Variants in TM9SF2 observed in about 807,000 individuals in gnomAD.
The protein encoded by TM9SF2 is transmembrane 9 superfamily member 2, also known as 76 kDa membrane protein.
TM9SF2 carries 13 observed loss-of-function variants against 84.9 expected under a neutral mutation model. That is an observed-to-expected ratio of 0.15 (90% CI 0.10 to 0.24). The LOEUF is 0.24. Ranked by LOEUF, TM9SF2 falls within the 10% of genes least tolerant of loss-of-function variation. The pLI, the probability that TM9SF2 is intolerant of heterozygous loss-of-function variation, is 1.00. For synonymous variants in TM9SF2, 273 were observed against 285.8 expected (o/e 0.96, Z 0.45); for missense variants, 562 against 818.5 (o/e 0.69, Z 3.82).
At position 99,558,722 on chromosome 13, in the gene TM9SF2, T is replaced by TTG. The variant is rs5806121; in HGVS notation, c.1753-623_1753-622dup. On this transcript the variant is annotated intron_variant, in intron 15 of 16. Transcript: ENST00000376387. ...GCATTTGTTGATTAGCTGTTGCATTTTGTGTGTGTGTGTGTGTGTATGTGT... is the reference window on the plus strand; with the variant it reads ...GCATTTGTTGATTAGCTGTTGCATTTTGTGTGTGTGTGTGTGTGTGTATGTGT... Among the ~76,000 whole-genome samples the TTG allele has an allele frequency of 8.3e-3, 1,259 of 150,978 alleles. 24 individuals carry two copies. Among genetic ancestry groups the TTG allele is most frequent in the African/African-American group, 0.027 (1,108 of 41,126 alleles).
At chr13:99,549,781 C>T (rs914988612) in intron 12 of TM9SF2, among the ~76,000 whole-genome samples, 2 of 152,186 alleles carry the variant, frequency 1.3e-5, no homozygotes, top group African/African-American at 4.8e-5. Context: ...CAAACCTGCA[C>T]ATTTCTGGTG....
chr13:99,538,451 A>G (rs9517761), intron 6 of TM9SF2, among the ~76,000 whole-genome samples: 5,023 of 151,786 alleles, frequency 0.033, 113 homozygotes, highest in Middle Eastern at 0.12. Flanking sequence ...CAAGAAATAC[A>G]TGCCATAATA....
Position 99,552,365 on chromosome 13 carries a change from G to C in TM9SF2, c.1488+39G>C, listed in dbSNP as rs764606338. On this transcript the variant is annotated intron_variant, in intron 13 of 16. Coordinates refer to ENST00000376387, the MANE Select transcript of TM9SF2 (RefSeq NM_004800.3). ...TGTTAACTTATTCAGGTGAATTTTA[G>C]CTGCAGAAATTAGCATATGCCATCT... 2.5e-6 allele frequency: 4 copies of C among 1,588,954 alleles called. No homozygotes were observed. In the East Asian group the frequency reaches 9.0e-5, roughly 36 times the overall value.
intron 3 of TM9SF2, among the ~76,000 whole-genome samples, chr13:99,520,462 A>G (rs2046154524): frequency 6.6e-6 from 1 of 152,192 alleles, no homozygotes; most frequent in South Asian, 2.1e-4. Context: ...AGGTTGTCTC[A>G]GCTGCTCTGT....
chr13:99,529,729 G>A (rs977039875), intron 4 of TM9SF2, 135 bp downstream of exon 4: 15 of 863,766 alleles, frequency 1.7e-5, no homozygotes, highest in African/African-American at 3.5e-5. Context: ...ACTAGTGGTC[G>A]TAGCTTGAAG....
intron 4 of TM9SF2, 65 bp downstream of exon 4, chr13:99,529,659 CTA>C (rs1361568169): frequency 7.1e-7 from 1 of 1,409,244 alleles, no homozygotes; most frequent in African/African-American, 1.5e-5. Context: ...GTTGCTTTGA[CTA>C]TATAAATTAC....
Position 99,517,559 on chromosome 13 carries a change from T to C in TM9SF2, c.172-55T>C, listed in dbSNP as rs946050332. ...ATTCTTTTTTAATTCTAAGCATGAC[T>C]TAAGGCTTTGTGTCCTGTTGTTTAT... On this transcript the variant is annotated intron_variant, in intron 1 of 16. Transcript: ENST00000376387. The C allele has an allele frequency of 3.0e-5, 36 of 1,211,418 alleles. No individual in the cohort carries two copies. In the Middle Eastern group the frequency reaches 6.0e-4, roughly 20 times the overall value. 75.0% of individuals were successfully genotyped at this position (1,211,418 alleles called of 1,614,324 possible).
chr13:99,531,273 T>C, intron 4 of TM9SF2, among the ~76,000 whole-genome samples: 1 of 152,236 alleles, frequency 6.6e-6, no homozygotes, highest in East Asian at 1.9e-4. Flanking sequence ...GATCATAGTT[T>C]ACATATGTTT....
At chr13:99,502,141 T>C (rs1206639738) in intron 1 of TM9SF2, among the ~76,000 whole-genome samples, 1 of 152,218 alleles carries the variant, frequency 6.6e-6, no homozygotes, top group African/African-American at 2.4e-5. Context: ...GAGTGTTCGC[T>C]CACAGCCCTG....
chr13:99,535,112 A>G (rs1016397991), intron 4 of TM9SF2, among the ~76,000 whole-genome samples: 2 of 152,208 alleles, frequency 1.3e-5, no homozygotes, highest in African/African-American at 4.8e-5. Context: ...TGATCATGCT[A>G]CTGCACTCCA....
At chr13:99,555,276 C>T (rs1031567708) in intron 14 of TM9SF2, among the ~76,000 whole-genome samples, 2 of 152,128 alleles carry the variant, frequency 1.3e-5, no homozygotes, top group African/African-American at 4.8e-5. Context: ...CACCAGGAGA[C>T]GAGTAGTCTA....
intron 1 of TM9SF2, among the ~76,000 whole-genome samples, chr13:99,510,636 A>G (rs1402396165): frequency 2.0e-5 from 3 of 152,170 alleles, no homozygotes; most frequent in Admixed American, 6.5e-5. Context: ...ATCTCACAAG[A>G]ACTCATTATC....
chr13:99,546,921 TATC>T, intron 10 of TM9SF2, 61 bp from the exon 11 acceptor site: 1 of 1,597,448 alleles, frequency 6.3e-7, no homozygotes, highest in South Asian at 1.1e-5. Context: ...AGGGTTTCTC[TATC>T]ATTTCACAGC....
Position 99,509,518 on chromosome 13 carries a change from A to G in TM9SF2, c.171+7741A>G, listed in dbSNP as rs557569155. ...TCTGTGTGCCTGCAGGCTTAACACCACATGGAAGCCACCAAGACTTACGGC... is the reference window on the plus strand; with the variant it reads ...TCTGTGTGCCTGCAGGCTTAACACCGCATGGAAGCCACCAAGACTTACGGC... On this transcript the variant is annotated intron_variant, in intron 1 of 16. Transcript: ENST00000376387. Among the ~76,000 whole-genome samples the G allele has an allele frequency of 3.9e-5, 6 of 152,338 alleles. No homozygotes were observed. The East Asian group carries it at 1.2e-3, about 29-fold the overall frequency.
intron 1 of TM9SF2, among the ~76,000 whole-genome samples, chr13:99,513,862 G>A (rs1052559467): frequency 3.3e-5 from 5 of 152,108 alleles, no homozygotes; most frequent in African/African-American, 9.7e-5. Context: ...TAGTGTCTAC[G>A]GCTGCTTTTG....
At chr13:99,514,984 T>C (rs1451363598) in intron 1 of TM9SF2, among the ~76,000 whole-genome samples, 3 of 152,232 alleles carry the variant, frequency 2.0e-5, no homozygotes, top group Non-Finnish European at 2.9e-5. Context: ...GAAACTTGCC[T>C]AGAATCACAC....
At chr13:99,514,672 T>G (rs2046126613) in intron 1 of TM9SF2, among the ~76,000 whole-genome samples, 1 of 152,208 alleles carries the variant, frequency 6.6e-6, no homozygotes, top group Non-Finnish European at 1.5e-5. Context: ...CTGTTTCTGG[T>G]CTAACACAGA....
chr13:99,510,398 G>A (rs2046108675), intron 1 of TM9SF2, among the ~76,000 whole-genome samples: 1 of 152,088 alleles, frequency 6.6e-6, no homozygotes, highest in South Asian at 2.1e-4. Context: ...GGCTCTTCTT[G>A]CATTGCTATA....
chr13:99,517,747 A>G, intron 2 of TM9SF2, 66 bp downstream of exon 2: 1 of 1,145,098 alleles, frequency 8.7e-7, no homozygotes, highest in East Asian at 2.6e-5. Context: ...GTACATTGAG[A>G]ACTTTGTTTT....
Sources: allele counts gnomAD v4.1 joint callset (sites outside exome capture counted in the v4.1 genomes callset), GRCh38; gene constraint gnomAD v4.1.1; transcripts MANE v1.5; gene names NCBI Gene and HGNC (gene_info 2026-07-23, HGNC 2026-07-21).